Variants in GALNTL6 observed in about 807,000 individuals in gnomAD.
GALNTL6 encodes polypeptide N-acetylgalactosaminyltransferase-like 6.
In GALNTL6, 46 loss-of-function variants were observed where a neutral mutation model predicts 73.7. The ratio of observed to expected loss-of-function variants is 0.62; its 90% CI spans 0.49 to 0.80. The LOEUF (loss-of-function observed/expected upper bound fraction) is 0.80. Among genes scored for constraint, GALNTL6 ranks in the 30% least tolerant of loss-of-function variants. GALNTL6 has a pLI of 0.00. For synonymous variants in GALNTL6, 259 were observed against 263.7 expected, an observed-to-expected ratio of 0.98 and a Z score of 0.17; for missense variants, 604 against 755.0, an observed-to-expected ratio of 0.80 and a Z score of 2.34.
intron 2 of GALNTL6, among the ~76,000 whole-genome samples, chr4:172,191,120 T>G (rs1579234493): frequency 6.6e-6 from 1 of 152,210 alleles, no homozygotes; most frequent in African/African-American, 2.4e-5. Context: ...TGTTCAAAAC[T>G]GAACTGTGTG....
chr4:172,936,469 G>A (rs898621149), intron 9 of GALNTL6, among the ~76,000 whole-genome samples: 2 of 152,190 alleles, frequency 1.3e-5, no homozygotes, highest in Non-Finnish European at 2.9e-5. Flanking sequence ...AATAGGAAAA[G>A]AGGAAGTCAA....
intron 5 of GALNTL6, among the ~76,000 whole-genome samples, chr4:172,765,943 C>T (rs1472772199): frequency 6.6e-6 from 1 of 151,806 alleles, no homozygotes; most frequent in Non-Finnish European, 1.5e-5. Context: ...GGCCATATTT[C>T]AGAGCTGTGG....
chr4:172,536,566 G>C (rs1363104107), intron 5 of GALNTL6, among the ~76,000 whole-genome samples: 1 of 152,194 alleles, frequency 6.6e-6, no homozygotes, highest in African/African-American at 2.4e-5. Context: ...CCCTGTCCTA[G>C]AGATCTGTGG....
At chr4:171,853,012 A>ATTTTTTTTTTTTTTT (rs765984611) in intron 2 of GALNTL6, among the ~76,000 whole-genome samples, 493 of 86,746 alleles carry the variant, frequency 5.7e-3, no homozygotes, top group Middle Eastern at 9.6e-3. Flanking sequence ...CGCCCGGCTA[A>ATTTTTTTTTTTTTTT]TTTTTTTTTT....
intron 2 of GALNTL6, among the ~76,000 whole-genome samples, chr4:171,928,213 T>A (rs1738053010): frequency 6.6e-6 from 1 of 152,242 alleles, no homozygotes; most frequent in South Asian, 2.1e-4. Context: ...AAATAAGTAG[T>A]GTTGTAAAAT....
At chr4:172,168,097 T>G (rs1175402742) in intron 2 of GALNTL6, among the ~76,000 whole-genome samples, 2 of 152,216 alleles carry the variant, frequency 1.3e-5, no homozygotes, top group Non-Finnish European at 2.9e-5. Flanking sequence ...AGAACTCTAT[T>G]AGCAACGGTC....
chr4:172,729,515 G>C (rs1038042713), intron 5 of GALNTL6, among the ~76,000 whole-genome samples: 1 of 152,016 alleles, frequency 6.6e-6, no homozygotes, highest in Admixed American at 6.6e-5. Flanking sequence ...GTAAGTTTTT[G>C]GTGCCTAAGT....
rs1370840584 is a variant in GALNTL6, at chr4:172,229,711, G to A, written c.194G>A (p.Arg65Lys). ...TTCTATTCATGGACAGATGGTTTGAGAAGAAAGGACTGGCATGACTATGAA... is the reference window on the plus strand; with the variant it reads ...TTCTATTCATGGACAGATGGTTTGAAAAGAAAGGACTGGCATGACTATGAA... ...GQFYSWTDGL[R>K]RKDWHDYESI... Residue 65 changes from arginine (R) to lysine (K), a missense_variant, in exon 3 of 13, where the codon AGA (arginine) becomes AAA (lysine). Physicochemically the swap from Arg to Lys is conservative, Grantham distance 26. Transcript: ENST00000506823. 4 of 1,614,006 alleles carry A rather than the reference G, an allele frequency of 2.5e-6. No homozygotes were observed.
intron 2 of GALNTL6, among the ~76,000 whole-genome samples, chr4:172,194,896 CA>C (rs1382883181): frequency 6.6e-6 from 1 of 152,016 alleles, no homozygotes; most frequent in African/African-American, 2.4e-5. Flanking sequence ...AATAAGTCTG[CA>C]AAATAGCCAG....
intron 5 of GALNTL6, among the ~76,000 whole-genome samples, chr4:172,572,758 G>A (rs1736811825): frequency 6.6e-6 from 1 of 151,988 alleles, no homozygotes; most frequent in Non-Finnish European, 1.5e-5. Context: ...ACATATATGT[G>A]TTATTTTAGA....
intron 8 of GALNTL6, among the ~76,000 whole-genome samples, chr4:172,911,223 T>C (rs922947644): frequency 2.0e-5 from 3 of 152,266 alleles, no homozygotes; most frequent in African/African-American, 7.2e-5. Context: ...TTTACACTTT[T>C]TCCCTTAAGC....
intron 7 of GALNTL6, among the ~76,000 whole-genome samples, chr4:172,869,553 C>T (rs780243131): frequency 3.3e-5 from 5 of 152,172 alleles, no homozygotes; most frequent in Non-Finnish European, 7.3e-5. Context: ...TCCCCACATC[C>T]GTCTGGTTCC....
intron 2 of GALNTL6, among the ~76,000 whole-genome samples, chr4:172,130,181 A>ATT (rs34151025): frequency 0.016 from 2,076 of 130,194 alleles, 46 homozygotes; most frequent in African/African-American, 0.048. Context: ...TCATTACAGA[A>ATT]TTTTTTTTTT....
chr4:172,160,173 C>T (rs534156442), intron 2 of GALNTL6, among the ~76,000 whole-genome samples: 11 of 151,472 alleles, frequency 7.3e-5, no homozygotes, highest in Admixed American at 1.3e-4. Context: ...AGTGTGTGTG[C>T]GTGTGCGTGT....
chr4:171,854,343 A>G (rs1286466699), intron 2 of GALNTL6, among the ~76,000 whole-genome samples: 3 of 152,178 alleles, frequency 2.0e-5, no homozygotes, highest in South Asian at 2.1e-4. Context: ...TCAAGGGGAT[A>G]TAAGAATCAA....
intron 5 of GALNTL6, among the ~76,000 whole-genome samples, chr4:172,724,456 G>A (rs528179883): frequency 1.3e-5 from 2 of 152,292 alleles, no homozygotes; most frequent in South Asian, 4.1e-4. Flanking sequence ...CATCATGAAT[G>A]ACAACACCTT....
At chr4:172,165,089 A>G (rs933371132) in intron 2 of GALNTL6, among the ~76,000 whole-genome samples, 1 of 152,108 alleles carries the variant, frequency 6.6e-6, no homozygotes, top group Non-Finnish European at 1.5e-5. Context: ...TTAACATTTT[A>G]AGGCATTAAT....
chr4:172,296,629 T>C (rs1319922130), intron 3 of GALNTL6, among the ~76,000 whole-genome samples: 5 of 152,322 alleles, frequency 3.3e-5, no homozygotes, highest in East Asian at 1.9e-4. Context: ...TTTTTGTCCT[T>C]GCGATAGTTT....
intron 5 of GALNTL6, among the ~76,000 whole-genome samples, chr4:172,406,333 A>T (rs961322112): frequency 2.0e-5 from 3 of 151,998 alleles, no homozygotes; most frequent in Non-Finnish European, 2.9e-5. Flanking sequence ...AAATACATAT[A>T]TTTTAGAAAT....
Sources: gnomAD v4.1 joint callset for allele counts (sites outside exome capture counted in the v4.1 genomes callset) on GRCh38, gnomAD v4.1.1 for gene constraint, MANE v1.5 for transcripts, NCBI Gene and HGNC (gene_info 2026-07-23, HGNC 2026-07-21) for gene names.